The following GALNT17 variants were observed in gnomAD, a reference collection of about 807,000 sequenced individuals.
GALNT17 encodes the protein UDP-GalNAc:polypeptide N-acetylgalactosaminyltransferase-like 3.
Under a neutral mutation model 63.7 loss-of-function variants are expected in GALNT17, and 29 were observed. The observed-to-expected ratio is 0.46, with a 90% CI of 0.34 to 0.62. The LOEUF (loss-of-function observed/expected upper bound fraction) is 0.62, where lower values mean the gene tolerates loss of function less well. GALNT17 is among the 20% of genes least tolerant of loss of function. GALNT17 has a pLI of 0.01. For synonymous variants in GALNT17, 305 were observed against 318.3 expected, an observed-to-expected ratio of 0.96 and a Z score of 0.45; for missense variants, 603 against 799.6, an observed-to-expected ratio of 0.75 and a Z score of 2.97.
chr7:71,478,496 A>G (rs998015223), intron 5 of GALNT17, among the ~76,000 whole-genome samples: 3 of 151,966 alleles, frequency 2.0e-5, no homozygotes, highest in East Asian at 1.9e-4. Context: ...GAATTTTTCT[A>G]TAGCAATGGG....
At chr7:71,376,669 C>T (rs1388691524) in intron 2 of GALNT17, among the ~76,000 whole-genome samples, 1 of 151,760 alleles carries the variant, frequency 6.6e-6, no homozygotes, top group Non-Finnish European at 1.5e-5. Context: ...GAAGAAAATC[C>T]TTCTAGGCAC....
chr7:71,372,532 A>G (rs952984738), intron 2 of GALNT17, among the ~76,000 whole-genome samples: 9 of 151,564 alleles, frequency 5.9e-5, no homozygotes, highest in Non-Finnish European at 7.4e-5. Flanking sequence ...GCTCTCTGCA[A>G]CCTCTTCCTC....
intron 1 of GALNT17, among the ~76,000 whole-genome samples, chr7:71,276,381 A>G (rs1293133946): frequency 6.6e-6 from 1 of 152,230 alleles, no homozygotes; most frequent in African/African-American, 2.4e-5. Flanking sequence ...TGCCATTCAC[A>G]ATAGCAAAGT....
chr7:71,540,951 A>G (rs4719143), intron 5 of GALNT17, among the ~76,000 whole-genome samples: 108,843 of 151,894 alleles, frequency 0.72, 39,314 homozygotes, highest in Non-Finnish European at 0.75. Context: ...TAAAGAAACG[A>G]TGGCCAGCCG....
chr7:71,383,481 C>T lies in GALNT17; in HGVS notation c.423-4754C>T, dbSNP rs551190679. Among the ~76,000 whole-genome samples the T allele has an allele frequency of 1.2e-4, 18 of 152,178 alleles. 2 individuals are homozygous for T. Among genetic ancestry groups the T allele is most frequent in the Admixed American group, 9.8e-4 (15 of 15,280 alleles). ...TGAGACTGAGTCTTGCTCTGTCGCC[C>T]AGACTAGAGTGCAGTGGTGCGGTCA... On this transcript the variant is annotated intron_variant, in intron 2 of 10. Transcript: ENST00000333538.
intron 1 of GALNT17, among the ~76,000 whole-genome samples, chr7:71,276,076 CA>C: frequency 6.6e-6 from 1 of 152,328 alleles, no homozygotes; most frequent in East Asian, 1.9e-4. Flanking sequence ...CCTTGTCCAT[CA>C]GAACAGAAGC....
At chr7:71,227,865 GAAGAGACACAGGGC>G (rs1382365049) in intron 1 of GALNT17, among the ~76,000 whole-genome samples, 2 of 152,136 alleles carry the variant, frequency 1.3e-5, no homozygotes, top group African/African-American at 2.4e-5. Flanking sequence ...ACGGGTTGAG[GAAGAGACACAGGGC>G]AAGATTCTGC....
chr7:71,665,381 T>C (rs1790968920), intron 6 of GALNT17, 30 bp from the exon 7 acceptor site: 1 of 1,577,084 alleles, frequency 6.3e-7, no homozygotes, highest in Non-Finnish European at 8.6e-7. Flanking sequence ...GAATTTCTTT[T>C]TCAGGCTGAT....
At chr7:71,636,952 G>T (rs1324487412) in intron 6 of GALNT17, among the ~76,000 whole-genome samples, 1 of 152,134 alleles carries the variant, frequency 6.6e-6, no homozygotes, top group African/African-American at 2.4e-5. Context: ...AGTGTCTGCA[G>T]ATGGCCAGGA....
intron 6 of GALNT17, among the ~76,000 whole-genome samples, chr7:71,593,351 C>T (rs1485569236): frequency 6.7e-6 from 1 of 149,338 alleles, no homozygotes; most frequent in African/African-American, 2.5e-5. Flanking sequence ...TTACATCCTC[C>T]GCCTCCTGGG....
At chr7:71,160,541 C>T (rs369133161) in intron 1 of GALNT17, among the ~76,000 whole-genome samples, 1 of 152,134 alleles carries the variant, frequency 6.6e-6, no homozygotes, top group African/African-American at 2.4e-5. Flanking sequence ...TCACAGCAAA[C>T]TCTGCCTCCT....
chr7:71,689,240 A>G (rs1791407244), intron 9 of GALNT17, among the ~76,000 whole-genome samples: 1 of 152,178 alleles, frequency 6.6e-6, no homozygotes, highest in Admixed American at 6.5e-5. Context: ...TAACAGCCCT[A>G]TAATGGCCTC....
At chr7:71,133,446 G>A (rs146018693) in intron 1 of GALNT17, among the ~76,000 whole-genome samples, 10 of 152,284 alleles carry the variant, frequency 6.6e-5, no homozygotes, top group Non-Finnish European at 1.3e-4. Flanking sequence ...GTACCAGTAG[G>A]GAACCTGGGA....
At chr7:71,397,669 TGTC>T (rs1793162581) in intron 3 of GALNT17, among the ~76,000 whole-genome samples, 1 of 152,230 alleles carries the variant, frequency 6.6e-6, no homozygotes, top group African/African-American at 2.4e-5. Flanking sequence ...TGTGCGTTGT[TGTC>T]GTCTTGGATC....
chr7:71,638,322 A>T (rs1319428526), intron 6 of GALNT17, among the ~76,000 whole-genome samples: 3 of 152,086 alleles, frequency 2.0e-5, no homozygotes, highest in Non-Finnish European at 4.4e-5. Flanking sequence ...CTCCTATCTC[A>T]TCCTGTCACT....
chr7:71,441,163 T>C (rs11770479), intron 5 of GALNT17, among the ~76,000 whole-genome samples: 4,639 of 151,966 alleles, frequency 0.031, 98 homozygotes, highest in East Asian at 0.04. Context: ...GCTGGGACTA[T>C]AGGCGCCCGC....
At chr7:71,344,749 G>A (rs956953410) in intron 2 of GALNT17, among the ~76,000 whole-genome samples, 1 of 152,096 alleles carries the variant, frequency 6.6e-6, no homozygotes, top group South Asian at 2.1e-4. Context: ...TTATTATTGT[G>A]CTACTTTTAT....
intron 1 of GALNT17, among the ~76,000 whole-genome samples, chr7:71,270,566 C>T (rs921941459): frequency 1.9e-4 from 24 of 126,792 alleles, no homozygotes; most frequent in Non-Finnish European, 5.0e-5. Context: ...AAAAAAGAAA[C>T]GAATTTTCTA....
intron 6 of GALNT17, among the ~76,000 whole-genome samples, chr7:71,629,411 C>T (rs1028166382): frequency 9.9e-5 from 15 of 152,174 alleles, no homozygotes; most frequent in Admixed American, 4.6e-4. Flanking sequence ...AAACTCAGAA[C>T]ATCATCTAAC....
Sources: gnomAD v4.1 joint callset for allele counts (sites outside exome capture counted in the v4.1 genomes callset) on GRCh38, gnomAD v4.1.1 for gene constraint, MANE v1.5 for transcripts, NCBI Gene and HGNC (gene_info 2026-07-23, HGNC 2026-07-21) for gene names.